Variants in PTPRC observed in about 807,000 individuals in gnomAD.
PTPRC encodes the protein receptor-type tyrosine-protein phosphatase C.
A neutral mutation model predicts 155.9 loss-of-function variants in PTPRC; 44 were observed. That is an observed-to-expected ratio of 0.28 (90% CI 0.22 to 0.36). The LOEUF is 0.36. PTPRC is among the 10% of genes least tolerant of loss of function. The pLI, the probability that PTPRC is intolerant of heterozygous loss-of-function variation, is 1.00. For synonymous variants in PTPRC, 525 were observed against 533.1 expected (o/e 0.98, Z 0.21); for missense variants, 1,401 against 1,564.6 (o/e 0.90, Z 1.76).
intron 2 of PTPRC, among the ~76,000 whole-genome samples, chr1:198,671,521 G>A (rs115699633): frequency 7.9e-4 from 121 of 152,226 alleles, no homozygotes; most frequent in African/African-American, 2.6e-3. Flanking sequence ...ATCATTTAGG[G>A]TGAAATCAAC....
At chr1:198,712,655 G>A (rs929113059) in intron 11 of PTPRC, 1 of 262,874 alleles carries the variant, frequency 3.8e-6, no homozygotes, top group Non-Finnish European at 7.2e-6. Context: ...GGATTTTTAG[G>A]TAGTATCTGG....
chr1:198,668,448 G>T lies in PTPRC; in HGVS notation c.74-23899G>T, dbSNP rs142031441. On this transcript the variant is annotated intron_variant, in intron 2 of 32. Coordinates refer to ENST00000442510, the MANE Select transcript of PTPRC (RefSeq NM_002838.5). Reference sequence around the variant, plus strand: ...AGATAGATAAAGAAGAGAGGGAAGGGCATAACACAAAGGAACAGGAAGTAT... The same window carrying T: ...AGATAGATAAAGAAGAGAGGGAAGGTCATAACACAAAGGAACAGGAAGTAT... Among the ~76,000 whole-genome samples the T allele has an allele frequency of 1.2e-4, 18 of 152,234 alleles. No individual in the cohort carries two copies. The East Asian group carries it at 3.3e-3, about 28-fold the overall frequency.
chr1:198,753,248 G>T (rs1255148285), intron 31 of PTPRC, among the ~76,000 whole-genome samples: 1 of 151,886 alleles, frequency 6.6e-6, no homozygotes, highest in Non-Finnish European at 1.5e-5. Context: ...TAGCAATTTT[G>T]ATTTGAAACT....
At chr1:198,696,429 G>C (rs1666207202) in intron 3 of PTPRC, among the ~76,000 whole-genome samples, 1 of 151,446 alleles carries the variant, frequency 6.6e-6, no homozygotes, top group African/African-American at 2.4e-5. Flanking sequence ...TTTATCTTTA[G>C]CTAATGTTCT....
chr1:198,693,912 G>A (rs1666062607), intron 3 of PTPRC: 7 of 1,345,990 alleles, frequency 5.2e-6, no homozygotes, highest in Non-Finnish European at 6.9e-6. Context: ...GTGGTACTAT[G>A]TATTAGTCTG....
rs1665351197 is a variant in PTPRC, at chr1:198,681,830, T to C, written c.74-10517T>C. Among the ~76,000 whole-genome samples the C allele has an allele frequency of 1.3e-5, 2 of 152,224 alleles. 1 individual carries two copies. The highest frequency in any genetic ancestry group is 1.3e-4 in the Admixed American group (2 of 15,284). On this transcript the variant is annotated intron_variant, in intron 2 of 32. Coordinates refer to ENST00000442510, the MANE Select transcript of PTPRC (RefSeq NM_002838.5). The stretch of plus-strand genomic sequence containing the variant: ...ACCTTACTTTTGAAATACATTTTTA[T>C]TGAAGCAAACACAAATCAATCTGAA...
intron 21 of PTPRC, 40 bp from the exon 22 acceptor site, chr1:198,734,288 G>A: frequency 6.2e-7 from 1 of 1,609,422 alleles, no homozygotes; most frequent in Non-Finnish European, 8.5e-7. Flanking sequence ...GCACTTTTAA[G>A]AAAATTTTTC....
Position 198,728,380 on chromosome 1 carries a change from T to A in PTPRC, c.1761T>A (p.Ile587=). Reference sequence around the variant, plus strand: ...TGATAGCATTTCTGGCATTTCTGATTATTGTGACATCAATAGCCCTGCTTG... The same window carrying A: ...TGATAGCATTTCTGGCATTTCTGATAATTGTGACATCAATAGCCCTGCTTG... ...KALIAFLAFL[I]IVTSIALLVV... Residue 587 remains isoleucine, a synonymous_variant, in exon 16 of 33, where the codon ATT becomes ATA. Transcript: ENST00000442510. 6.2e-7 allele frequency: 1 copy of A among 1,613,166 alleles called. No homozygotes were observed. The highest frequency in any genetic ancestry group is 8.5e-7 in the Non-Finnish European group (1 of 1,179,582).
chr1:198,693,090 A>G, intron 3 of PTPRC: 1 of 975,574 alleles, frequency 1.0e-6, no homozygotes, highest in Non-Finnish European at 1.2e-6. Context: ...TAAAACAATG[A>G]AGACAATTTT....
intron 8 of PTPRC, among the ~76,000 whole-genome samples, chr1:198,706,019 A>G (rs1652941442): frequency 6.6e-6 from 1 of 152,226 alleles, no homozygotes; most frequent in African/African-American, 2.4e-5. Flanking sequence ...ACTGGATTAT[A>G]CATTTCTAAA....
intron 2 of PTPRC, among the ~76,000 whole-genome samples, chr1:198,656,081 A>G (rs1663550042): frequency 6.6e-6 from 1 of 152,138 alleles, no homozygotes; most frequent in African/African-American, 2.4e-5. Context: ...AGAATTTTGT[A>G]GTAACAATTA....
rs146726593 is a variant in PTPRC at position 198,735,184 on chromosome 1, G to A, written c.2335G>A (p.Val779Ile). Residue 779 changes from valine to isoleucine, a missense_variant, in exon 23 of 33, where the codon GTT becomes ATT. Transcript: ENST00000442510. ...AGAGGGCACTCGGGCTTTTGGAGAT[G>A]TTGTTGTAAAGATCAACCAGCACAA... The part of the protein sequence containing the change: ...MEEGTRAFGD[V>I]VVKINQHKRC... 1.2e-4 allele frequency: 194 copies of A among 1,604,244 alleles called. No homozygotes were observed. The highest frequency in any genetic ancestry group is 1.5e-4 in the Non-Finnish European group (179 of 1,173,984).
Position 198,722,450 on chromosome 1 carries a change from C to G in PTPRC, c.1694C>G (p.Pro565Arg), listed in dbSNP as rs761297445. The G allele has an allele frequency of 2.0e-6, 3 of 1,470,538 alleles. No homozygotes were observed. Among genetic ancestry groups the G allele is most frequent in the South Asian group, 1.5e-5 (1 of 65,070 alleles). 91.1% of individuals were successfully genotyped at this position (1,470,538 alleles called of 1,614,324 possible). Reference protein sequence around the residue: ...YFHNGDYPGEPFILHHSTSYN... With the variant: ...YFHNGDYPGERFILHHSTSYN... ...CACAATGGAGACTATCCTGGAGAACCCTTTATTTTACATCATTCAACATCT... is the reference window on the plus strand; with the variant it reads ...CACAATGGAGACTATCCTGGAGAACGCTTTATTTTACATCATTCAACATCT... The change falls in exon 15 of 33, where the codon CCC becomes CGC. Residue 565 changes from proline to arginine, a missense_variant. Pro to Arg is a moderately radical substitution (Grantham distance 103). Coordinates refer to ENST00000442510, the MANE Select transcript of PTPRC (RefSeq NM_002838.5).
intron 2 of PTPRC, among the ~76,000 whole-genome samples, chr1:198,663,656 C>T (rs1664113932): frequency 6.6e-6 from 1 of 152,132 alleles, no homozygotes; most frequent in South Asian, 2.1e-4. Context: ...AGATTGCAGG[C>T]TTTAATAACT....
intron 26 of PTPRC, among the ~76,000 whole-genome samples, chr1:198,744,664 T>G (rs1655059788): frequency 6.6e-6 from 1 of 151,858 alleles, no homozygotes; most frequent in African/African-American, 2.4e-5. Flanking sequence ...TTAACCTATT[T>G]ATTAGGCAAT....
At position 198,706,771 on chromosome 1, in the gene PTPRC, T is replaced by C; in HGVS notation, c.723T>C (p.Tyr241=). The change falls in exon 9 of 33, where the codon TAT becomes TAC. Residue 241 remains tyrosine (Y), a synonymous_variant. Transcript: ENST00000442510. ...KYANITVDYL[Y]NKETKLFTAK... is the part of the protein sequence containing the mutation. ...CAAACATCACTGTGGATTACTTATA[T>C]AACAAGGAAACTAAATTATTTACAG... 1 of 1,612,140 alleles carries C rather than the reference T, an allele frequency of 6.2e-7. No individual in the cohort carries two copies. The highest frequency in any genetic ancestry group is 8.5e-7 in the Non-Finnish European group (1 of 1,178,816).
chr1:198,653,582 C>CA (rs1255334520), intron 2 of PTPRC, among the ~76,000 whole-genome samples: 2 of 151,802 alleles, frequency 1.3e-5, no homozygotes, highest in East Asian at 3.9e-4. Flanking sequence ...TAAAGAGCAA[C>CA]AGATCAAGGA....
At chr1:198,678,186 A>G (rs1487260506) in intron 2 of PTPRC, among the ~76,000 whole-genome samples, 1 of 152,208 alleles carries the variant, frequency 6.6e-6, no homozygotes, top group Admixed American at 6.5e-5. Context: ...TTGTTCTTCT[A>G]TAAACTAACT....
chr1:198,728,995 C>T (rs1296255772), intron 16 of PTPRC, 142 bp from the exon 17 acceptor site: 1 of 883,934 alleles, frequency 1.1e-6, no homozygotes. Flanking sequence ...CTCCTTTCCT[C>T]TTCTCCTCTC....
Sources: gnomAD v4.1 joint callset for allele counts (sites outside exome capture counted in the v4.1 genomes callset) on GRCh38, gnomAD v4.1.1 for gene constraint, MANE v1.5 for transcripts, NCBI Gene and HGNC (gene_info 2026-07-23, HGNC 2026-07-21) for gene names.